DAAM2: variants seen among roughly 807,000 people sequenced by gnomAD.
The protein encoded by DAAM2 is dishevelled associated activator of morphogenesis 2.
In DAAM2, 39 loss-of-function variants were observed where a neutral mutation model predicts 120.7. That is an observed-to-expected ratio of 0.32 (90% CI 0.25 to 0.42). The LOEUF (loss-of-function observed/expected upper bound fraction) is 0.42, where lower values mean the gene tolerates loss of function less well. Among genes scored for constraint, DAAM2 ranks in the 10% least tolerant of loss-of-function variants. DAAM2 has a pLI of 1.00. For synonymous variants in DAAM2, 488 were observed against 524.9 expected, an observed-to-expected ratio of 0.93 and a Z score of 0.96; for missense variants, 1,283 against 1,401.7, an observed-to-expected ratio of 0.92 and a Z score of 1.35.
chr6:39,881,590 G>A (rs1483075662), intron 14 of DAAM2, among the ~76,000 whole-genome samples: 11 of 152,132 alleles, frequency 7.2e-5, no homozygotes, highest in Admixed American at 5.9e-4. Context: ...GGTGGCGCAC[G>A]CCTGTAATCC....
chr6:39,871,405 T>G, intron 8 of DAAM2, 101 bp from the exon 9 acceptor site: 2 of 1,123,724 alleles, frequency 1.8e-6, no homozygotes, highest in Non-Finnish European at 2.6e-6. Flanking sequence ...GAATGAAGCT[T>G]TCAGATTTAG....
chr6:39,894,391 CAT>C (rs1315101155), intron 19 of DAAM2, among the ~76,000 whole-genome samples: 1 of 152,070 alleles, frequency 6.6e-6, no homozygotes, highest in Non-Finnish European at 1.5e-5. Flanking sequence ...ATTTTTGAAA[CAT>C]AACATGCATA....
intron 14 of DAAM2, among the ~76,000 whole-genome samples, chr6:39,881,225 T>C (rs1160352067): frequency 8.0e-6 from 1 of 125,252 alleles, no homozygotes; most frequent in East Asian, 2.5e-4. Context: ...CAGAGTTTCA[T>C]TTCTAGACTG....
intron 1 of DAAM2, among the ~76,000 whole-genome samples, chr6:39,845,356 T>C (rs368394954): frequency 0.022 from 9 of 404 alleles, no homozygotes; most frequent in Admixed American, 0.045. Context: ...CCCATACACA[T>C]CACACATGCA....
chr6:39,887,970 G>T, intron 16 of DAAM2: 1 of 206,326 alleles, frequency 4.8e-6, no homozygotes, highest in South Asian at 8.3e-5. Context: ...CCTCCTGCCT[G>T]AGCAGGGTCA....
intron 9 of DAAM2, among the ~76,000 whole-genome samples, chr6:39,872,827 C>T (rs546702929): frequency 7.0e-4 from 64 of 91,098 alleles, no homozygotes; most frequent in Non-Finnish European, 1.1e-3. Context: ...CCCCTGCTCC[C>T]TTCCCTAGTT....
intron 1 of DAAM2, among the ~76,000 whole-genome samples, chr6:39,796,704 G>T (rs1292256929): frequency 6.6e-6 from 1 of 151,166 alleles, no homozygotes; most frequent in Non-Finnish European, 1.5e-5. Flanking sequence ...CCAAAGAGGA[G>T]CTGAATTATT....
chr6:39,797,006 G>A (rs1040718657), intron 1 of DAAM2, among the ~76,000 whole-genome samples: 14 of 152,202 alleles, frequency 9.2e-5, no homozygotes, highest in African/African-American at 3.4e-4. Flanking sequence ...AAGTAAATAA[G>A]CCACTTATTC....
At chr6:39,874,923 A>G (rs556627466) in intron 10 of DAAM2, among the ~76,000 whole-genome samples, 3 of 152,190 alleles carry the variant, frequency 2.0e-5, no homozygotes, top group South Asian at 4.2e-4. Flanking sequence ...TAATCCTAAA[A>G]TCTTTTTTAA....
At position 39,891,487 on chromosome 6, in the gene DAAM2, TTCTGGCAGGTGGGGCAGGTGGGGC is replaced by T. The variant is rs749579648; in HGVS notation, c.2252+45_2252+68del. On this transcript the variant is annotated intron_variant, in intron 18 of 24. Transcript: ENST00000274867. ...ATGGTGGGGATTCAAGCAGGTGGGG[TTCTGGCAGGTGGGGCAGGTGGGGC>T]TCTGCCAAGAGGAAGGGGATGGAGG... The T allele has an allele frequency of 1.3e-5, 20 of 1,551,058 alleles. No individual in the cohort carries two copies. The African/African-American group carries it at 1.4e-4, about 11-fold the overall frequency.
Position 39,900,221 on chromosome 6 carries a change from C to A in DAAM2, c.2811+13C>A. On this transcript the variant is annotated intron_variant, in intron 23 of 24. Coordinates refer to ENST00000274867, the MANE Select transcript of DAAM2 (RefSeq NM_001201427.2). ...GGCCAGGGACAAGGTAAGGGTGCCC[C>A]AACCCCCACTGCTTGCCAACCCAGC... 1 of 1,608,062 alleles carries A rather than the reference C, an allele frequency of 6.2e-7. No homozygotes were observed. Among genetic ancestry groups the A allele is most frequent in the Non-Finnish European group, 8.5e-7 (1 of 1,177,510 alleles).
chr6:39,835,056 G>A (rs1763053733), intron 1 of DAAM2, among the ~76,000 whole-genome samples: 1 of 152,204 alleles, frequency 6.6e-6, no homozygotes, highest in Non-Finnish European at 1.5e-5. Flanking sequence ...TGTCATGACT[G>A]TCTATTTATG....
At chr6:39,887,060 A>G (rs1219897847) in intron 15 of DAAM2, 1 of 162,104 alleles carries the variant, frequency 6.2e-6, no homozygotes, top group East Asian at 1.8e-4. Flanking sequence ...GGTTCTCAGC[A>G]TAAGCCTGAG....
Position 39,823,963 on chromosome 6 carries a change from T to C in DAAM2, c.-57+31498T>C, listed in dbSNP as rs552731024. Among the ~76,000 whole-genome samples, 3 of 152,236 alleles carry C rather than the reference T, an allele frequency of 2.0e-5. No individual in the cohort carries two copies. The South Asian group carries it at 6.2e-4, about 32-fold the overall frequency. On this transcript the variant is annotated intron_variant, in intron 1 of 24. Transcript: ENST00000274867. Reference sequence around the variant, plus strand: ...ATGATGCTCCATTGTATCTCCACTCTCTGGTTACTGTCCCTCAGCTGGGCC... The same window carrying C: ...ATGATGCTCCATTGTATCTCCACTCCCTGGTTACTGTCCCTCAGCTGGGCC...
rs189802189 is a variant in DAAM2, at chr6:39,856,312, C to T, written c.10C>T (p.Arg4Cys). The change falls in exon 2 of 25, where the codon CGC becomes TGC. Residue 4 changes from arginine to cysteine, a missense_variant. This residue lies in a region of DAAM2 where 197 missense variants were observed against 189.3 expected (regional missense o/e 1.04). Transcript: ENST00000274867. ...CTGGCCTGCAGTGACCATGGCCCCC[C>T]GCAAGAGGAGCCACCATGGCCTGGG... MAP[R>C]KRSHHGLGFL... The T allele has an allele frequency of 7.2e-6, 11 of 1,535,720 alleles. No individual in the cohort carries two copies. The highest frequency in any genetic ancestry group is 6.3e-5 in the South Asian group (5 of 79,308).
chr6:39,842,670 C>T (rs755263469), intron 1 of DAAM2, among the ~76,000 whole-genome samples: 1 of 151,992 alleles, frequency 6.6e-6, no homozygotes, highest in Non-Finnish European at 1.5e-5. Flanking sequence ...TCAATGAATA[C>T]AAGATATTAA....
Position 39,856,232 on chromosome 6 carries a change from TCTC to T in DAAM2, c.-56-11_-56-9del. The T allele has an allele frequency of 7.4e-7, 1 of 1,360,208 alleles. No homozygotes were observed. The highest frequency in any genetic ancestry group is 9.5e-7 in the Non-Finnish European group (1 of 1,053,046). 84.3% of individuals were successfully genotyped at this position (1,360,208 alleles called of 1,614,324 possible). A position where few individuals can be genotyped will look rare whatever the true frequency, so the allele number is the denominator to read the frequency against. ...CTGTATGCCTGACCACCCTGTGTTCTCTCCTCTTGTCCAGATCACAATGAGGAC... is the reference window on the plus strand; with the variant it reads ...CTGTATGCCTGACCACCCTGTGTTCTCTCTTGTCCAGATCACAATGAGGAC... On this transcript the variant is annotated splice_polypyrimidine_tract_variant and intron_variant, in intron 1 of 24. Coordinates refer to ENST00000274867, the MANE Select transcript of DAAM2 (RefSeq NM_001201427.2).
intron 1 of DAAM2, among the ~76,000 whole-genome samples, chr6:39,812,600 GC>G (rs1384258769): frequency 1.4e-5 from 2 of 142,318 alleles, no homozygotes; most frequent in Admixed American, 7.3e-5. Context: ...TCCCCACCCT[GC>G]CCCTGTCAGC....
intron 14 of DAAM2, 158 bp downstream of exon 14, chr6:39,879,635 C>T: frequency 3.2e-6 from 3 of 931,286 alleles, no homozygotes; most frequent in Non-Finnish European, 5.2e-6. Flanking sequence ...GTTTGCTGTG[C>T]CAGGCAGCTC....
Sources: allele counts gnomAD v4.1 joint callset (sites outside exome capture counted in the v4.1 genomes callset), GRCh38; gene constraint gnomAD v4.1.1; regional missense constraint gnomAD v4.1.1; transcripts MANE v1.5; gene names NCBI Gene and HGNC (gene_info 2026-07-23, HGNC 2026-07-21).